The following NCOA7 variants were observed in gnomAD, a reference collection of about 807,000 sequenced individuals.
NCOA7 encodes 140 kDa estrogen receptor-associated protein.
In NCOA7, 45 loss-of-function variants were observed where a neutral mutation model predicts 104.3. That is an observed-to-expected ratio of 0.43 (90% CI 0.34 to 0.55). The LOEUF is 0.55. Ranked by LOEUF, NCOA7 falls within the 20% of genes least tolerant of loss-of-function variation. The probability of loss-of-function intolerance (pLI) is 0.02; values close to 1 mark genes in which losing one functional copy is unlikely to be tolerated. For synonymous variants in NCOA7, 398 were observed against 402.3 expected, an observed-to-expected ratio of 0.99 and a Z score of 0.13; for missense variants, 1,041 against 1,119.7, an observed-to-expected ratio of 0.93 and a Z score of 1.00.
intron 4 of NCOA7, among the ~76,000 whole-genome samples, chr6:125,876,259 C>G (rs891158282): frequency 6.6e-6 from 1 of 152,164 alleles, no homozygotes; most frequent in Admixed American, 6.5e-5. Context: ...CTGTCACAGG[C>G]TTTCATGATC....
In NCOA7 at chr6:125,826,091, C is replaced by T. The variant is rs140107670; in HGVS notation, c.50+10687C>T. ...CTGTAATCCTAGCACTTTGGGAGGCCAAGGCGGGTGTATTGCCTGACCTCA... is the reference window on the plus strand; with the variant it reads ...CTGTAATCCTAGCACTTTGGGAGGCTAAGGCGGGTGTATTGCCTGACCTCA... On this transcript the variant is annotated intron_variant, in intron 2 of 15. Transcript: ENST00000392477. Among the ~76,000 whole-genome samples, 77 of 152,066 alleles carry T rather than the reference C, an allele frequency of 5.1e-4. No individual in the cohort carries two copies. The Middle Eastern group carries it at 0.014, about 27-fold the overall frequency.
rs1379767934 is a variant in NCOA7, at chr6:125,922,789, A to G, written c.2478A>G (p.Ser826=). 6.2e-7 allele frequency: 1 copy of G among 1,614,172 alleles called. No individual in the cohort carries two copies. Among genetic ancestry groups the G allele is most frequent in the Non-Finnish European group, 8.5e-7 (1 of 1,180,036 alleles). The change falls in exon 13 of 16, where the codon TCA becomes TCG. Residue 826 remains serine, a synonymous_variant. Transcript: ENST00000392477. ...AGACGCTCTACCGGAAATCGGCATCACTAGACAGTCCTGTCCTATTGGTCA... is the reference window on the plus strand; with the variant it reads ...AGACGCTCTACCGGAAATCGGCATCGCTAGACAGTCCTGTCCTATTGGTCA... ...SLKTLYRKSA[S]LDSPVLLVIK...
At chr6:125,869,725 A>G (rs1344867446) in intron 3 of NCOA7, among the ~76,000 whole-genome samples, 1 of 152,160 alleles carries the variant, frequency 6.6e-6, no homozygotes, top group African/African-American at 2.4e-5. Flanking sequence ...CAGACGCAGA[A>G]CTGGCTAGAT....
intron 1 of NCOA7, among the ~76,000 whole-genome samples, chr6:125,793,704 A>G (rs753951405): frequency 2.6e-5 from 4 of 152,222 alleles, no homozygotes; most frequent in Non-Finnish European, 5.9e-5. Context: ...ATCCCAGCCC[A>G]TAATTTTTTG....
chr6:125,868,134 G>T (rs1425418975), intron 3 of NCOA7, among the ~76,000 whole-genome samples: 1 of 151,938 alleles, frequency 6.6e-6, no homozygotes, highest in Non-Finnish European at 1.5e-5. Flanking sequence ...GAATTTTTTT[G>T]TTCTTTTTAA....
intron 10 of NCOA7, among the ~76,000 whole-genome samples, chr6:125,902,200 A>G (rs1157247381): frequency 6.6e-6 from 1 of 152,096 alleles, no homozygotes. Context: ...ACCCTTTTTT[A>G]CCTAGTATTT....
At chr6:125,871,413 C>T (rs886887018) in intron 3 of NCOA7, among the ~76,000 whole-genome samples, 2 of 152,248 alleles carry the variant, frequency 1.3e-5, no homozygotes, top group Non-Finnish European at 2.9e-5. Flanking sequence ...CCCAGACACA[C>T]AGGACTTCAC....
intron 1 of NCOA7, among the ~76,000 whole-genome samples, chr6:125,793,200 C>A (rs1403520939): frequency 6.6e-6 from 1 of 152,156 alleles, no homozygotes; most frequent in Non-Finnish European, 1.5e-5. Flanking sequence ...AAAATTCCCT[C>A]CTGTAATAAA....
At position 125,815,391 on chromosome 6, in the gene NCOA7, A is replaced by G; in HGVS notation, c.37A>G (p.Ser13Gly). The change falls in exon 2 of 16, where the codon AGT (serine) becomes GGT (glycine). Residue 13 changes from serine to glycine, a missense_variant. Physicochemically the swap from Ser to Gly is moderately conservative, Grantham distance 56. This residue lies in a region of NCOA7 where 914 missense variants were observed against 942.7 expected (regional missense o/e 0.97). Transcript: ENST00000392477. ...GGAAGAGAAGAAGGAACGGAAACAA[A>G]GTTATTTTGCTCGGTAAGCATTCAT... Reference protein sequence around the residue: ...TKEEKKERKQSYFARLKKKKQ... With the variant: ...TKEEKKERKQGYFARLKKKKQ... 2 of 1,608,500 alleles carry G rather than the reference A, an allele frequency of 1.2e-6. No homozygotes were observed. The highest frequency in any genetic ancestry group is 1.7e-6 in the Non-Finnish European group (2 of 1,177,488).
At chr6:125,839,223 T>A (rs1308796762) in intron 2 of NCOA7, among the ~76,000 whole-genome samples, 6 of 152,134 alleles carry the variant, frequency 3.9e-5, no homozygotes, top group African/African-American at 1.4e-4. Flanking sequence ...GTTCAAGCAA[T>A]TCTCCTGCCT....
chr6:125,883,679 C>T (rs1784027839), intron 7 of NCOA7, among the ~76,000 whole-genome samples: 2 of 151,568 alleles, frequency 1.3e-5, no homozygotes, highest in South Asian at 4.2e-4. Context: ...CAACATCTCC[C>T]CCATCCTTCT....
chr6:125,820,878 A>C (rs1305102031), intron 2 of NCOA7, among the ~76,000 whole-genome samples: 9 of 152,322 alleles, frequency 5.9e-5, no homozygotes, highest in African/African-American at 2.2e-4. Flanking sequence ...AATGAAGTGG[A>C]GTTATATAGT....
In NCOA7 at chr6:125,927,750, C is replaced by T. The variant is rs769627087; in HGVS notation, c.2611C>T (p.His871Tyr). 5 of 1,611,778 alleles carry T rather than the reference C, an allele frequency of 3.1e-6. No individual in the cohort carries two copies. The highest frequency in any genetic ancestry group is 2.2e-5 in the East Asian group (1 of 44,896). Residue 871 changes from histidine to tyrosine, a missense_variant, in exon 14 of 16, where the codon CAT (histidine) becomes TAT (tyrosine). By Grantham distance (83) the His-to-Tyr change is moderately conservative. Transcript: ENST00000392477. ...GETFLYTFSPHFKVFKWSGEN... is the reference protein window; with the variant it reads ...GETFLYTFSPYFKVFKWSGEN... ...AACTTTTCTCTACACATTCAGCCCT[C>T]ATTTTAAGGTACCTAGATAGGAGAA...
intron 11 of NCOA7, among the ~76,000 whole-genome samples, chr6:125,919,047 GA>G (rs959556553): frequency 3.3e-5 from 5 of 151,832 alleles, no homozygotes; most frequent in Non-Finnish European, 7.4e-5. Context: ...AGAAGGAAAA[GA>G]AAAAAAATGA....
chr6:125,805,229 G>A (rs760784812), intron 1 of NCOA7, among the ~76,000 whole-genome samples: 3 of 151,104 alleles, frequency 2.0e-5, no homozygotes, highest in Non-Finnish European at 4.4e-5. Flanking sequence ...CTGAGTAGCT[G>A]GAATTACAGG....
chr6:125,817,605 C>G (rs12663634), intron 2 of NCOA7, among the ~76,000 whole-genome samples: 2 of 152,114 alleles, frequency 1.3e-5, no homozygotes, highest in African/African-American at 2.4e-5. Flanking sequence ...TGCCCATTTT[C>G]TAATTGAATT....
chr6:125,809,820 G>A (rs760536439), intron 1 of NCOA7, among the ~76,000 whole-genome samples: 1 of 152,138 alleles, frequency 6.6e-6, no homozygotes, highest in South Asian at 2.1e-4. Context: ...CAGCTGATGG[G>A]CCTCATGGAT....
intron 2 of NCOA7, among the ~76,000 whole-genome samples, chr6:125,831,365 A>G (rs1261340450): frequency 1.3e-5 from 2 of 152,188 alleles, no homozygotes. Flanking sequence ...TCAATAATTT[A>G]TCTTCAGGTA....
intron 10 of NCOA7, among the ~76,000 whole-genome samples, chr6:125,908,371 T>C (rs2128680236): frequency 6.6e-6 from 1 of 152,280 alleles, no homozygotes; most frequent in East Asian, 1.9e-4. Flanking sequence ...TCAGAATCAG[T>C]AGCACACCAT....
Sources: gnomAD v4.1 joint callset for allele counts (sites outside exome capture counted in the v4.1 genomes callset) on GRCh38, gnomAD v4.1.1 for gene constraint, gnomAD v4.1.1 regional missense constraint, MANE v1.5 for transcripts, NCBI Gene and HGNC (gene_info 2026-07-23, HGNC 2026-07-21) for gene names.